TTC39B: variants seen among roughly 807,000 people sequenced by gnomAD.
The protein encoded by TTC39B is tetratricopeptide repeat protein 39B.
In TTC39B, 92 loss-of-function variants were observed where a neutral mutation model predicts 96.6. The observed-to-expected ratio is 0.95, with a 90% CI of 0.80 to 1.13. The LOEUF (loss-of-function observed/expected upper bound fraction) is 1.13. TTC39B is among the 50% of genes most tolerant of loss of function. TTC39B has a pLI of 0.00. For missense variants in TTC39B, 955 were observed against 809.3 expected, an observed-to-expected ratio of 1.18 and a Z score of -2.18; for synonymous variants, 367 against 299.4, an observed-to-expected ratio of 1.23 and a Z score of -2.33.
intron 7 of TTC39B, among the ~76,000 whole-genome samples, chr9:15,201,726 G>A (rs1270264447): frequency 6.6e-5 from 10 of 152,110 alleles, no homozygotes; most frequent in South Asian, 2.1e-4. Flanking sequence ...ATGCAAACCC[G>A]TCAGTGGCTT....
intron 14 of TTC39B, among the ~76,000 whole-genome samples, chr9:15,187,427 C>G (rs1294634103): frequency 6.6e-6 from 1 of 152,170 alleles, no homozygotes; most frequent in Non-Finnish European, 1.5e-5. Flanking sequence ...ATAAGTACAA[C>G]TCATTTTCAG....
exon 7 of TTC39B, chr9:15,203,888 C>G (rs572344381): frequency 6.2e-7 from 1 of 1,612,438 alleles, no homozygotes; most frequent in African/African-American, 1.3e-5. Flanking sequence ...GCATGCATTT[C>G]CTCTACAAAA....
chr9:15,211,522 T>C, intron 4 of TTC39B, 125 bp from the exon 5 acceptor site: 1 of 877,450 alleles, frequency 1.1e-6, no homozygotes, highest in South Asian at 4.6e-5. Context: ...TCACTGAAAT[T>C]ATATGGGTGG....
Position 15,306,460 on chromosome 9 carries a change from G to C in TTC39B, c.240+624C>G, listed in dbSNP as rs1587048601. On this transcript the variant is annotated intron_variant, in intron 1 of 19. Transcript: ENST00000512701. This position sits in a 1 kb window ranked among gnomAD's most constrained non-coding sequence, Gnocchi z 5.1. Reference sequence around the variant, plus strand: ...CGACTCTGAGGACCTGCTAGGGGAAGTGTCCCGGCCCCGTGGAGGGAGAGG... The same window carrying C: ...CGACTCTGAGGACCTGCTAGGGGAACTGTCCCGGCCCCGTGGAGGGAGAGG... 1.3e-5 allele frequency among the ~76,000 whole-genome samples: 2 copies of C among 152,214 alleles called. No homozygotes were observed. Among genetic ancestry groups the C allele is most frequent in the African/African-American group, 2.4e-5 (1 of 41,464 alleles).
At chr9:15,200,607 A>G (rs753089003) in intron 7 of TTC39B, among the ~76,000 whole-genome samples, 1 of 152,254 alleles carries the variant, frequency 6.6e-6, no homozygotes, top group Non-Finnish European at 1.5e-5. Context: ...ATTACATCAA[A>G]TAACCACTTG....
chr9:15,298,807 G>T (rs919106389), intron 1 of TTC39B, among the ~76,000 whole-genome samples: 4 of 152,012 alleles, frequency 2.6e-5, no homozygotes, highest in Non-Finnish European at 5.9e-5. Flanking sequence ...TACCCTTCCA[G>T]CCTTGATTCC....
At chr9:15,233,645 C>G (rs1437844431) in intron 2 of TTC39B, among the ~76,000 whole-genome samples, 1 of 152,200 alleles carries the variant, frequency 6.6e-6, no homozygotes, top group Admixed American at 6.5e-5. Context: ...GACGGAGTCT[C>G]GTTCGCTCAG....
chr9:15,234,649 G>A (rs966645851), intron 2 of TTC39B, among the ~76,000 whole-genome samples: 3 of 152,090 alleles, frequency 2.0e-5, no homozygotes, highest in Non-Finnish European at 2.9e-5. Flanking sequence ...GTAGGGAGAA[G>A]TAGACATGGG....
At chr9:15,164,089 T>C (rs1817477384) in exon 20 of TTC39B, 1 of 152,208 alleles carries the variant, frequency 6.6e-6, no homozygotes, top group South Asian at 2.1e-4. Context: ...CACCTTCTAG[T>C]ACCAGATCCA....
At chr9:15,169,904 T>A (rs1168414623) in exon 20 of TTC39B, 3 of 152,260 alleles carry the variant, frequency 2.0e-5, no homozygotes, top group Non-Finnish European at 2.9e-5. Flanking sequence ...TGTTACTGAC[T>A]TGCAGCACTG....
chr9:15,298,718 C>T (rs990282347), intron 1 of TTC39B, among the ~76,000 whole-genome samples: 1 of 152,114 alleles, frequency 6.6e-6, no homozygotes. Context: ...TATCAATAAT[C>T]ATGTGAGACA....
At chr9:15,276,243 A>G (rs1432453260) in intron 1 of TTC39B, among the ~76,000 whole-genome samples, 2 of 152,224 alleles carry the variant, frequency 1.3e-5, no homozygotes, top group African/African-American at 2.4e-5. Flanking sequence ...TGGTTTATCA[A>G]CTTCAGCATG....
At chr9:15,249,441 T>C (rs1822433201) in intron 2 of TTC39B, 1 of 152,836 alleles carries the variant, frequency 6.5e-6, no homozygotes, top group African/African-American at 2.4e-5. Context: ...CAAGCCACTT[T>C]ACTAATCTCT....
At chr9:15,180,797 G>T (rs190817448) in intron 17 of TTC39B, among the ~76,000 whole-genome samples, 128 of 152,262 alleles carry the variant, frequency 8.4e-4, no homozygotes, top group African/African-American at 2.9e-3. Flanking sequence ...AGATAATCTT[G>T]CATAAAAGAA....
rs755291674 is a variant in TTC39B at position 15,307,184 on chromosome 9, GCT to G, written c.138_139del (p.Arg46SerfsTer6). The G allele has an allele frequency of 3.8e-6, 6 of 1,581,524 alleles. No individual in the cohort carries two copies. Among genetic ancestry groups the G allele is most frequent in the Non-Finnish European group, 5.2e-6 (6 of 1,162,462 alleles). ...AGCAGGGAACTCAGAGCCGACTCCT[GCT>G]CTCGGCTCTGGGCTCAGCCCAGCGC... On this transcript the variant is annotated frameshift_variant, in exon 1 of 20. Transcript: ENST00000512701. LOFTEE classifies it high-confidence loss of function.
chr9:15,244,503 G>A (rs1487632342), intron 2 of TTC39B, among the ~76,000 whole-genome samples: 3 of 152,234 alleles, frequency 2.0e-5, no homozygotes, highest in South Asian at 2.1e-4. Flanking sequence ...AGGAAAGAAC[G>A]TGCTCCATTT....
chr9:15,257,888 C>T (rs986724883), intron 2 of TTC39B, among the ~76,000 whole-genome samples: 1 of 151,764 alleles, frequency 6.6e-6, no homozygotes, highest in East Asian at 1.9e-4. Flanking sequence ...GGAGAAACCC[C>T]GTCTCTACTA....
chr9:15,204,478 G>A (rs772273613), intron 6 of TTC39B, among the ~76,000 whole-genome samples: 14 of 151,404 alleles, frequency 9.2e-5, no homozygotes, highest in African/African-American at 2.7e-4. Context: ...GCAGTGAGCC[G>A]AGATTGCGCC....
chr9:15,214,019 A>G, intron 4 of TTC39B, 120 bp downstream of exon 4: 1 of 686,700 alleles, frequency 1.5e-6, no homozygotes, highest in East Asian at 2.8e-5. Flanking sequence ...AAGAGGTCTG[A>G]ACTAAATTAG....
Sources: allele counts gnomAD v4.1 joint callset (sites outside exome capture counted in the v4.1 genomes callset), GRCh38; gene constraint gnomAD v4.1.1; non-coding constraint Gnocchi (gnomAD v3.1); transcripts MANE v1.5; gene names NCBI Gene and HGNC (gene_info 2026-07-23, HGNC 2026-07-21).